The following CACNA1D variants were observed in gnomAD, a reference collection of about 807,000 sequenced individuals.
CACNA1D encodes the protein voltage-dependent L-type calcium channel subunit alpha-1D.
CACNA1D carries 55 observed loss-of-function variants against 257.1 expected under a neutral mutation model. The observed-to-expected ratio is 0.21, with a 90% CI of 0.17 to 0.27. The LOEUF is 0.27. Ranked by LOEUF, CACNA1D falls within the 10% of genes least tolerant of loss-of-function variation. The pLI is 1.00. For synonymous variants in CACNA1D, 980 were observed against 1,014.9 expected, an observed-to-expected ratio of 0.97 and a Z score of 0.65; for missense variants, 1,876 against 2,784.0, an observed-to-expected ratio of 0.67 and a Z score of 7.34.
chr3:53,661,917 T>A (rs944458466), intron 5 of CACNA1D, among the ~76,000 whole-genome samples: 4 of 152,218 alleles, frequency 2.6e-5, no homozygotes, highest in Non-Finnish European at 5.9e-5. Flanking sequence ...AATGTGAGTC[T>A]GAGTCTTGTA....
rs1266669563 is a variant in CACNA1D, at chr3:53,789,584, T to C, written c.4923+2632T>C. ...CAAGGACACAGCCTCGGGAAGCCCC[T>C]GAGAGTGGGCGTGGCCTGTTGAGAT... On this transcript the variant is annotated intron_variant, in intron 40 of 47. Coordinates refer to ENST00000350061, the MANE Select transcript of CACNA1D (RefSeq NM_001128840.3). This position sits in a 1 kb window ranked among gnomAD's most constrained non-coding sequence, Gnocchi z 4.2. Among the ~76,000 whole-genome samples the C allele has an allele frequency of 1.3e-5, 2 of 152,222 alleles. No homozygotes were observed. Among genetic ancestry groups the C allele is most frequent in the African/African-American group, 2.4e-5 (1 of 41,464 alleles).
intron 25 of CACNA1D, among the ~76,000 whole-genome samples, chr3:53,747,022 G>A (rs1433257726): frequency 6.6e-6 from 1 of 152,172 alleles, no homozygotes; most frequent in Non-Finnish European, 1.5e-5. Context: ...ACCATGCTGT[G>A]GTTTTTATCG....
intron 3 of CACNA1D, among the ~76,000 whole-genome samples, chr3:53,526,289 G>T (rs2091762508): frequency 6.6e-6 from 1 of 152,182 alleles, no homozygotes; most frequent in Admixed American, 6.5e-5. Context: ...GTCAAGTATT[G>T]GTTATTGGGG....
chr3:53,700,029 C>T (rs1576391761), intron 8 of CACNA1D, among the ~76,000 whole-genome samples: 1 of 149,692 alleles, frequency 6.7e-6, no homozygotes. Flanking sequence ...TAAGGACGTT[C>T]ATTTTATAAT....
intron 8 of CACNA1D, among the ~76,000 whole-genome samples, chr3:53,690,339 C>T (rs1443463833): frequency 1.3e-5 from 2 of 151,848 alleles, no homozygotes; most frequent in Admixed American, 1.3e-4. Context: ...AAATTAATTA[C>T]CCAATGCTGA....
Position 53,751,179 on chromosome 3 carries a change from G to T in CACNA1D, c.3517-570G>T, listed in dbSNP as rs2095222377. Among the ~76,000 whole-genome samples the T allele has an allele frequency of 6.6e-6, 1 of 152,234 alleles. No individual in the cohort carries two copies. The highest frequency in any genetic ancestry group is 2.4e-5 in the African/African-American group (1 of 41,460). On this transcript the variant is annotated intron_variant, in intron 27 of 47. Transcript: ENST00000350061. The surrounding 1 kb of genome is among the most constrained non-coding windows in gnomAD (Gnocchi z 4.3). Reference sequence around the variant, plus strand: ...GATAGCTCCCCATAAGATGTGTATTGTTAACACACTCTGGCTCCTGAAGGG... The same window carrying T: ...GATAGCTCCCCATAAGATGTGTATTTTTAACACACTCTGGCTCCTGAAGGG...
chr3:53,596,877 A>G (rs891318215), intron 3 of CACNA1D, among the ~76,000 whole-genome samples: 2 of 152,230 alleles, frequency 1.3e-5, no homozygotes, highest in African/African-American at 2.4e-5. Context: ...ACATACATCA[A>G]TTATTCCTCT....
intron 3 of CACNA1D, among the ~76,000 whole-genome samples, chr3:53,509,198 G>A (rs923021260): frequency 2.0e-5 from 3 of 147,694 alleles, no homozygotes; most frequent in Admixed American, 6.6e-5. Flanking sequence ...GAAATGGGTG[G>A]TATGGAGGAA....
At chr3:53,503,426 G>T (rs985963347) in intron 3 of CACNA1D, among the ~76,000 whole-genome samples, 4 of 152,246 alleles carry the variant, frequency 2.6e-5, no homozygotes, top group Non-Finnish European at 5.9e-5. Flanking sequence ...CACAGATGGT[G>T]TTAGCCTTGT....
At chr3:53,596,173 G>A (rs1352350093) in intron 3 of CACNA1D, among the ~76,000 whole-genome samples, 2 of 152,100 alleles carry the variant, frequency 1.3e-5, no homozygotes, top group East Asian at 1.9e-4. Flanking sequence ...TGCTGGGGAC[G>A]GACAGCTGTA....
At position 53,809,601 on chromosome 3, in the gene CACNA1D, G is replaced by C. The variant is rs1327927175; in HGVS notation, c.5872-377G>C. 4 of 328,478 alleles carry C rather than the reference G, an allele frequency of 1.2e-5. No homozygotes were observed. In the East Asian group the frequency reaches 2.9e-4, roughly 24 times the overall value. 20.3% of individuals were successfully genotyped at this position (328,478 alleles called of 1,614,324 possible). On this transcript the variant is annotated intron_variant, in intron 46 of 47. Coordinates refer to ENST00000350061, the MANE Select transcript of CACNA1D (RefSeq NM_001128840.3). ...CCAGCTGTTTTCCTATAAGTGCTGG[G>C]AAGTGGTAGTTTCCCCTGAATGTAC...
intron 3 of CACNA1D, among the ~76,000 whole-genome samples, chr3:53,525,948 C>G (rs1339046606): frequency 1.3e-5 from 2 of 152,220 alleles, no homozygotes; most frequent in Non-Finnish European, 2.9e-5. Flanking sequence ...TCTCTCCAGC[C>G]TGGCTCCACT....
intron 3 of CACNA1D, among the ~76,000 whole-genome samples, chr3:53,547,372 T>G (rs2092434173): frequency 6.6e-6 from 1 of 152,162 alleles, no homozygotes; most frequent in African/African-American, 2.4e-5. Context: ...TATTGTCTAG[T>G]AGGGGAGACA....
intron 29 of CACNA1D, among the ~76,000 whole-genome samples, chr3:53,761,383 C>A (rs558321231): frequency 1.3e-5 from 2 of 152,322 alleles, no homozygotes; most frequent in South Asian, 4.1e-4. Context: ...CGACGCTGTG[C>A]CTCACGGTGC....
chr3:53,691,395 C>T (rs2094518066), intron 8 of CACNA1D, among the ~76,000 whole-genome samples: 1 of 151,920 alleles, frequency 6.6e-6, no homozygotes, highest in Non-Finnish European at 1.5e-5. Context: ...CCGTCTCGGC[C>T]TCCCAATTGA....
In CACNA1D at chr3:53,800,297, A is replaced by G. The variant is rs760535668; in HGVS notation, c.4972A>G (p.Ile1658Val). 1.2e-6 allele frequency: 2 copies of G among 1,614,160 alleles called. No individual in the cohort carries two copies. Among genetic ancestry groups the G allele is most frequent in the African/African-American group, 2.7e-5 (2 of 75,056 alleles). ...CATTGGGCCAGAAATCCGGCGTGCT[A>G]TATCGTGTGATTTGCAAGATGACGA... Reference protein sequence around the residue: ...HDIGPEIRRAISCDLQDDEPE... With the variant: ...HDIGPEIRRAVSCDLQDDEPE... The change falls in exon 41 of 48, where the codon ATA (isoleucine) becomes GTA (valine). Residue 1658 changes from isoleucine to valine, a missense_variant. Physicochemically the swap from Ile to Val is conservative, Grantham distance 29. This residue lies in a region of CACNA1D where 160 missense variants were observed against 236.6 expected (regional missense o/e 0.68). Transcript: ENST00000350061. This position sits in a 1 kb window ranked among gnomAD's most constrained non-coding sequence, Gnocchi z 4.3.
chr3:53,795,392 G>T (rs2095503269), intron 40 of CACNA1D, among the ~76,000 whole-genome samples: 1 of 152,194 alleles, frequency 6.6e-6, no homozygotes, highest in Non-Finnish European at 1.5e-5. Context: ...TTTCCCAGTA[G>T]GTGCAGTGAC....
intron 40 of CACNA1D, chr3:53,791,272 G>C (rs768335297): frequency 6.1e-6 from 3 of 494,202 alleles, no homozygotes; most frequent in African/African-American, 5.8e-5. Flanking sequence ...GAAAGGGAAC[G>C]TACAAAGCTT....
In CACNA1D at chr3:53,811,136, A is replaced by T; in HGVS notation, c.6216A>T (p.Gly2072=). The part of the protein sequence containing the change: ...VEAVLISEGL[G]RYARDPKFVS... ...AGGTCCTGATATCCGAAGGCTTGGG[A>T]CGCTATGCAAGGGACCCAAAATTTG... The change falls in exon 48 of 48, where the codon GGA becomes GGT. Residue 2072 remains glycine, a synonymous_variant. Transcript: ENST00000350061. The surrounding 1 kb of genome is among the most constrained non-coding windows in gnomAD (Gnocchi z 4.2). The T allele has an allele frequency of 2.5e-6, 4 of 1,613,970 alleles. No homozygotes were observed. Among genetic ancestry groups the T allele is most frequent in the Non-Finnish European group, 3.4e-6 (4 of 1,179,916 alleles).
Sources: allele counts gnomAD v4.1 joint callset (sites outside exome capture counted in the v4.1 genomes callset), GRCh38; gene constraint gnomAD v4.1.1; regional missense constraint gnomAD v4.1.1; non-coding constraint Gnocchi (gnomAD v3.1); transcripts MANE v1.5; gene names NCBI Gene and HGNC (gene_info 2026-07-23, HGNC 2026-07-21).